The following HP1BP3 variants were observed in gnomAD, a reference collection of about 807,000 sequenced individuals.
The protein encoded by HP1BP3 is heterochromatin protein 1 binding protein 3.
Under a neutral mutation model 62.5 loss-of-function variants are expected in HP1BP3, and 12 were observed. The observed-to-expected ratio is 0.19, with a 90% CI of 0.12 to 0.31. The LOEUF is 0.31. HP1BP3 is among the 10% of genes least tolerant of loss of function. The pLI, the probability that HP1BP3 is intolerant of heterozygous loss-of-function variation, is 1.00. For missense variants in HP1BP3, 502 were observed against 651.8 expected (o/e 0.77, Z 2.50); for synonymous variants, 260 against 237.8 (o/e 1.09, Z -0.86).
Position 20,779,741 on chromosome 1 carries a change from G to A in HP1BP3, c.196+71C>T, listed in dbSNP as rs185621083. ...AAAAAAAAAAACAATTAAGTTCAAAGGAATTTATGGGACACTCCAAATTGC... is the reference window on the plus strand; with the variant it reads ...AAAAAAAAAAACAATTAAGTTCAAAAGAATTTATGGGACACTCCAAATTGC... On this transcript the variant is annotated intron_variant, in intron 3 of 12. Coordinates refer to ENST00000438032, the MANE Select transcript of HP1BP3 (RefSeq NM_001372052.1). The A allele has an allele frequency of 1.4e-4, 117 of 855,196 alleles. No homozygotes were observed. In the African/African-American group the frequency reaches 1.7e-3, roughly 12 times the overall value. The allele number at this position is 855,196 out of a possible 1,614,324, so 53.0% of individuals were successfully genotyped here.
chr1:20,754,558 T>C (rs2055983516), intron 9 of HP1BP3, among the ~76,000 whole-genome samples: 1 of 152,100 alleles, frequency 6.6e-6, no homozygotes, highest in South Asian at 2.1e-4. Flanking sequence ...GTTAGAGGGC[T>C]TATAATTCCA....
intron 11 of HP1BP3, among the ~76,000 whole-genome samples, chr1:20,746,452 C>A (rs1461397119): frequency 6.6e-6 from 1 of 152,026 alleles, no homozygotes; most frequent in Non-Finnish European, 1.5e-5. Flanking sequence ...CCAAGTAACA[C>A]TTATGTTTGT....
At chr1:20,781,845 C>T (rs1245315708) in intron 1 of HP1BP3, among the ~76,000 whole-genome samples, 5 of 152,148 alleles carry the variant, frequency 3.3e-5, no homozygotes, top group Non-Finnish European at 4.4e-5. Flanking sequence ...AGGCTGGTCT[C>T]GAGCTCCTGA....
At chr1:20,769,574 G>T (rs146232327) in intron 6 of HP1BP3, among the ~76,000 whole-genome samples, 227 of 152,066 alleles carry the variant, frequency 1.5e-3, no homozygotes, top group African/African-American at 5.3e-3. Context: ...AAATAAAATA[G>T]AATAAAGAAA....
intron 1 of HP1BP3, among the ~76,000 whole-genome samples, chr1:20,781,892 C>T (rs2057568079): frequency 6.6e-6 from 1 of 152,236 alleles, no homozygotes; most frequent in East Asian, 1.9e-4. Flanking sequence ...TCCCAAAGTG[C>T]TGGGATGGCA....
chr1:20,765,587 A>G, intron 7 of HP1BP3, 56 bp from the exon 8 acceptor site: 1 of 1,393,446 alleles, frequency 7.2e-7, no homozygotes, highest in Middle Eastern at 1.8e-4. Context: ...GTTTCTACAT[A>G]CAACTCAAGG....
At chr1:20,754,230 A>G (rs1338154246) in intron 9 of HP1BP3, among the ~76,000 whole-genome samples, 1 of 152,224 alleles carries the variant, frequency 6.6e-6, no homozygotes, top group Non-Finnish European at 1.5e-5. Context: ...GAAAACGAAA[A>G]TTAGAAAACA....
chr1:20,759,686 C>G (rs1487250336), intron 8 of HP1BP3, among the ~76,000 whole-genome samples: 1 of 152,058 alleles, frequency 6.6e-6, no homozygotes, highest in Non-Finnish European at 1.5e-5. Context: ...ATAGTCAAGG[C>G]AGGCCTTTGG....
intron 1 of HP1BP3, among the ~76,000 whole-genome samples, chr1:20,784,476 C>CTT (rs368306686): frequency 0.047 from 5,837 of 124,460 alleles, 359 homozygotes; most frequent in African/African-American, 0.12. Flanking sequence ...TGTGTTTTCC[C>CTT]TTTTTTTTTT....
chr1:20,784,530 G>A (rs2057728425), intron 1 of HP1BP3, among the ~76,000 whole-genome samples: 1 of 146,674 alleles, frequency 6.8e-6, no homozygotes, highest in Admixed American at 6.9e-5. Flanking sequence ...CCAGGCTGGA[G>A]TGCGGTGGCG....
intron 8 of HP1BP3, among the ~76,000 whole-genome samples, chr1:20,765,175 TA>T (rs4057761): frequency 3.6e-3 from 208 of 57,328 alleles, no homozygotes; most frequent in Middle Eastern, 0.011. Context: ...CTCAAAAAAC[TA>T]AAAAAAAAAA....
intron 4 of HP1BP3, chr1:20,776,382 T>C (rs943816595): frequency 4.3e-5 from 20 of 470,046 alleles, no homozygotes; most frequent in Middle Eastern, 5.6e-4. Context: ...CAAAGACTTT[T>C]GGATTATTCA....
intron 3 of HP1BP3, among the ~76,000 whole-genome samples, chr1:20,777,722 T>C (rs1052105588): frequency 8.5e-5 from 13 of 152,192 alleles, no homozygotes; most frequent in Non-Finnish European, 1.5e-5. Flanking sequence ...CCTCCCAAAA[T>C]TCTGGGATTA....
intron 5 of HP1BP3, among the ~76,000 whole-genome samples, 161 bp downstream of exon 5, chr1:20,773,290 T>A (rs929673749): frequency 6.6e-6 from 1 of 152,232 alleles, no homozygotes; most frequent in Non-Finnish European, 1.5e-5. Flanking sequence ...CAAATGTGAT[T>A]ATATTAGAAA....
At chr1:20,762,080 G>C (rs2056515626) in intron 8 of HP1BP3, among the ~76,000 whole-genome samples, 1 of 152,198 alleles carries the variant, frequency 6.6e-6, no homozygotes, top group Non-Finnish European at 1.5e-5. Context: ...TGGTGAAACT[G>C]TATTTTTCTT....
intron 10 of HP1BP3, 142 bp from the exon 11 acceptor site, chr1:20,747,797 G>T: frequency 1.7e-6 from 1 of 598,854 alleles, no homozygotes; most frequent in South Asian, 2.1e-5. Flanking sequence ...TGTGTTCAAA[G>T]GTATTTAATT....
chr1:20,783,331 C>T (rs2057659536), intron 1 of HP1BP3, among the ~76,000 whole-genome samples: 2 of 151,952 alleles, frequency 1.3e-5, no homozygotes, highest in Non-Finnish European at 2.9e-5. Flanking sequence ...CCAGCCTGGC[C>T]AACATGGTGA....
At chr1:20,780,971 CT>C (rs138173659) in intron 1 of HP1BP3, among the ~76,000 whole-genome samples, 51 of 151,650 alleles carry the variant, frequency 3.4e-4, no homozygotes, top group African/African-American at 9.2e-4. Flanking sequence ...TATTAAAGTA[CT>C]TTTTTTTTCC....
At chr1:20,746,035 A>G (rs1557632870) in intron 11 of HP1BP3, among the ~76,000 whole-genome samples, 2 of 152,144 alleles carry the variant, frequency 1.3e-5, no homozygotes, top group Admixed American at 6.5e-5. Context: ...AAAGACCTCC[A>G]AGTCTTAAAA....
Sources: gnomAD v4.1 joint callset for allele counts (sites outside exome capture counted in the v4.1 genomes callset) on GRCh38, gnomAD v4.1.1 for gene constraint, MANE v1.5 for transcripts, NCBI Gene and HGNC (gene_info 2026-07-23, HGNC 2026-07-21) for gene names.